The following LIX1 variants were observed in gnomAD, a reference collection of about 807,000 sequenced individuals.
LIX1 encodes limb and CNS expressed 1.
LIX1 carries 24 observed loss-of-function variants against 33.4 expected under a neutral mutation model. The ratio of observed to expected loss-of-function variants is 0.72; its 90% CI spans 0.52 to 1.01. The LOEUF is 1.01. Ranked by LOEUF, LIX1 falls within the 50% of genes least tolerant of loss-of-function variation. The pLI is 0.00. For synonymous variants in LIX1, 124 were observed against 124.0 expected (o/e 1.00, Z 0.00); for missense variants, 311 against 339.2 (o/e 0.92, Z 0.65).
chr5:97,109,783 A>G (rs1429840585), intron 2 of LIX1, among the ~76,000 whole-genome samples: 1 of 151,040 alleles, frequency 6.6e-6, no homozygotes. Flanking sequence ...CCATTATATT[A>G]TTCTTATGCC....
At chr5:97,112,561 T>C (rs1747455405) in intron 2 of LIX1, among the ~76,000 whole-genome samples, 1 of 152,196 alleles carries the variant, frequency 6.6e-6, no homozygotes, top group Admixed American at 6.5e-5. Context: ...CTTGTTAATA[T>C]AGAAGGACAA....
At chr5:97,125,380 T>G (rs531679459) in intron 1 of LIX1, among the ~76,000 whole-genome samples, 1 of 152,346 alleles carries the variant, frequency 6.6e-6, no homozygotes, top group Admixed American at 6.5e-5. Flanking sequence ...ACAAGGATAA[T>G]AGAATTGTAG....
Position 97,142,518 on chromosome 5 carries a change from T to C in LIX1, c.59A>G (p.Asp20Gly). The C allele has an allele frequency of 6.2e-7, 1 of 1,614,092 alleles. No homozygotes were observed. Among genetic ancestry groups the C allele is most frequent in the East Asian group, 2.2e-5 (1 of 44,872 alleles). The part of the protein sequence containing the change: ...HIIAQVLPHR[D>G]PALVFKDLNV... Reference sequence around the variant, plus strand: ...ACAGTCTTTGAAGACTAGAGCCGGATCTCTGTGAGGCAAGACTTGGGCAAT... The same window carrying C: ...ACAGTCTTTGAAGACTAGAGCCGGACCTCTGTGAGGCAAGACTTGGGCAAT... Residue 20 changes from aspartate to glycine, a missense_variant, in exon 1 of 6, where the codon GAT (aspartate) becomes GGT (glycine). Transcript: ENST00000274382.
At chr5:97,125,472 C>T (rs1350528986) in intron 1 of LIX1, among the ~76,000 whole-genome samples, 1 of 152,210 alleles carries the variant, frequency 6.6e-6, no homozygotes, top group Non-Finnish European at 1.5e-5. Flanking sequence ...GACAGCTGCT[C>T]ATCTGGCCTG....
At chr5:97,124,891 GA>G (rs1747880703) in intron 1 of LIX1, among the ~76,000 whole-genome samples, 1 of 152,108 alleles carries the variant, frequency 6.6e-6, no homozygotes, top group African/African-American at 2.4e-5. Context: ...TAAGGCTCAA[GA>G]AGTGGTTTTG....
At position 97,096,268 on chromosome 5, in the gene LIX1, C is replaced by T. The variant is rs562378586; in HGVS notation, c.561+542G>A. Among the ~76,000 whole-genome samples the T allele has an allele frequency of 5.9e-5, 9 of 152,114 alleles. No homozygotes were observed. The South Asian group carries it at 1.7e-3, about 28-fold the overall frequency. On this transcript the variant is annotated intron_variant, in intron 5 of 5. Transcript: ENST00000274382. Reference sequence around the variant, plus strand: ...ATAAATAACAAAGAAATAGTGAGACCGTGTCTCTGAAAAACAAAGAAGAAA... The same window carrying T: ...ATAAATAACAAAGAAATAGTGAGACTGTGTCTCTGAAAAACAAAGAAGAAA...
intron 1 of LIX1, among the ~76,000 whole-genome samples, chr5:97,127,024 C>T (rs1013702994): frequency 6.6e-6 from 1 of 152,188 alleles, no homozygotes; most frequent in Admixed American, 6.5e-5. Context: ...CCCCTACTCT[C>T]CTCCTTTCCC....
intron 4 of LIX1, 64 bp downstream of exon 4, chr5:97,105,126 G>T: frequency 7.2e-7 from 1 of 1,387,280 alleles, no homozygotes; most frequent in Non-Finnish European, 1.0e-6. Flanking sequence ...AGTGATAAAT[G>T]TTGCATTTCT....
intron 1 of LIX1, among the ~76,000 whole-genome samples, chr5:97,125,529 G>C (rs1294762275): frequency 6.6e-6 from 1 of 152,198 alleles, no homozygotes. Context: ...ACCTGAGGCA[G>C]CCTATTTCAA....
intron 2 of LIX1, among the ~76,000 whole-genome samples, chr5:97,120,551 T>C (rs1747752032): frequency 2.6e-5 from 4 of 152,220 alleles, no homozygotes; most frequent in African/African-American, 4.8e-5. Flanking sequence ...AGAAAACTTT[T>C]TGTGGAGTCC....
At chr5:97,124,779 G>A in intron 1 of LIX1, 150 bp from the exon 2 acceptor site, 1 of 463,510 alleles carries the variant, frequency 2.2e-6, no homozygotes, top group East Asian at 3.3e-5. Flanking sequence ...GGGGCTTTTA[G>A]CTGTGAAAGA....
rs1240613584 is a variant in LIX1 at position 97,093,302 on chromosome 5, A to G, written c.*1446T>C. The G allele has an allele frequency of 6.6e-6, 1 of 152,340 alleles. No homozygotes were observed. The highest frequency in any genetic ancestry group is 1.5e-5 in the Non-Finnish European group (1 of 68,050). 9.4% of individuals were successfully genotyped at this position (152,340 alleles called of 1,614,324 possible). ...ATAATGGTTTTGCTTTCAGTGAAGC[A>G]TGTATGCACTTGCATAAACAAAAGA... On this transcript the variant is annotated 3_prime_UTR_variant, in exon 6 of 6. Transcript: ENST00000274382.
intron 2 of LIX1, among the ~76,000 whole-genome samples, chr5:97,112,582 T>G (rs1323986105): frequency 6.6e-6 from 1 of 152,176 alleles, no homozygotes; most frequent in Non-Finnish European, 1.5e-5. Flanking sequence ...CTTCTGTCCT[T>G]TGCACTTTGC....
At chr5:97,105,151 T>C (rs1010000184) in intron 4 of LIX1, 39 bp downstream of exon 4, 2 of 1,533,406 alleles carry the variant, frequency 1.3e-6, no homozygotes, top group Non-Finnish European at 1.8e-6. Context: ...GGCTTCTGGA[T>C]TGGATAATCA....
intron 1 of LIX1, among the ~76,000 whole-genome samples, chr5:97,126,928 G>T (rs1264650123): frequency 6.6e-6 from 1 of 152,046 alleles, no homozygotes; most frequent in Non-Finnish European, 1.5e-5. Context: ...GTGAGCCACC[G>T]TGCCCACCCT....
intron 2 of LIX1, among the ~76,000 whole-genome samples, chr5:97,111,979 G>T (rs1747420934): frequency 6.6e-6 from 1 of 152,190 alleles, no homozygotes; most frequent in East Asian, 1.9e-4. Context: ...TAAAACGGGG[G>T]AGAAAGTGTT....
At chr5:97,124,731 A>C in intron 1 of LIX1, 102 bp from the exon 2 acceptor site, 4 of 923,508 alleles carry the variant, frequency 4.3e-6, no homozygotes, top group Non-Finnish European at 6.5e-6. Flanking sequence ...TGACAGTTCC[A>C]GTTTAAGTAG....
chr5:97,131,099 A>G (rs1748047532), intron 1 of LIX1, among the ~76,000 whole-genome samples: 1 of 152,216 alleles, frequency 6.6e-6, no homozygotes, highest in Admixed American at 6.5e-5. Flanking sequence ...TATAAAGGTC[A>G]GCATTGAGGC....
intron 1 of LIX1, among the ~76,000 whole-genome samples, chr5:97,137,556 A>T (rs746041378): frequency 6.6e-6 from 1 of 152,200 alleles, no homozygotes; most frequent in African/African-American, 2.4e-5. Context: ...AAAAATAATT[A>T]GGCCCTATGA....
Sources: gnomAD v4.1 joint callset for allele counts (sites outside exome capture counted in the v4.1 genomes callset) on GRCh38, gnomAD v4.1.1 for gene constraint, MANE v1.5 for transcripts, NCBI Gene and HGNC (gene_info 2026-07-23, HGNC 2026-07-21) for gene names.